RAB3IL1: variants seen among roughly 807,000 people sequenced by gnomAD.
RAB3IL1 encodes RAB3A interacting protein like 1.
A neutral mutation model predicts 49.2 loss-of-function variants in RAB3IL1; 37 were observed. The observed-to-expected ratio is 0.75, with a 90% CI of 0.58 to 0.99. The LOEUF is 0.99. Ranked by LOEUF, RAB3IL1 falls within the 50% of genes least tolerant of loss-of-function variation. The pLI is 0.00. For missense variants in RAB3IL1, 484 were observed against 513.0 expected, an observed-to-expected ratio of 0.94 and a Z score of 0.55; for synonymous variants, 193 against 213.9, an observed-to-expected ratio of 0.90 and a Z score of 0.85.
the RAB3IL1 span, among the ~76,000 whole-genome samples, chr11:61,926,385 A>G: frequency 6.6e-6 from 1 of 152,218 alleles, no homozygotes; most frequent in Non-Finnish European, 1.5e-5. Flanking sequence ...CGGGGGATTC[A>G]GACATCTAAT....
At chr11:61,928,805 A>G in the RAB3IL1 span, among the ~76,000 whole-genome samples, 1 of 152,222 alleles carries the variant, frequency 6.6e-6, no homozygotes, top group East Asian at 1.9e-4. Context: ...ATTGCTCAAT[A>G]TCAAGCAGTG....
At chr11:61,899,726 G>GTTTTTTTAA in intron 8 of RAB3IL1, 1 of 284,766 alleles carries the variant, frequency 3.5e-6, no homozygotes, top group South Asian at 4.1e-5. Context: ...CAGCAGAGCT[G>GTTTTTTTAA]TGAGATGAAC....
chr11:61,934,127 C>T, the RAB3IL1 span, among the ~76,000 whole-genome samples: 1 of 151,830 alleles, frequency 6.6e-6, no homozygotes, highest in African/African-American at 2.4e-5. Context: ...GAGTGATGCA[C>T]TTGAATATTT....
intron 4 of RAB3IL1, 83 bp downstream of exon 4, chr11:61,907,310 C>A: frequency 1.4e-6 from 2 of 1,444,194 alleles, no homozygotes; most frequent in Middle Eastern, 2.4e-4. Flanking sequence ...AGCGTCCACT[C>A]GGGCAGCAAA....
At chr11:61,917,295 C>A in intron 1 of RAB3IL1, 62 bp downstream of exon 1, 1 of 1,354,320 alleles carries the variant, frequency 7.4e-7, no homozygotes, top group Non-Finnish European at 9.5e-7. Context: ...CGAAATCCTC[C>A]CGTCCCGGGA....
In RAB3IL1 at chr11:61,917,175, A is replaced by G. The variant is rs934532550; in HGVS notation, c.11+182T>C. ...CCCTTCGCACCCTGCACCCCGAGAG[A>G]CACCCCCGACCCCTCCCCCGGAGTC... On this transcript the variant is annotated intron_variant, in intron 1 of 9. Transcript: ENST00000394836. 5.3e-5 allele frequency among the ~76,000 whole-genome samples: 8 copies of G among 151,696 alleles called. No homozygotes were observed. In the East Asian group the frequency reaches 1.2e-3, roughly 22 times the overall value.
rs1259871288 is a variant in RAB3IL1, at chr11:61,904,521, GAAGGAGCT to G, written c.899+17_899+24del. On this transcript the variant is annotated intron_variant, in intron 7 of 9. Transcript: ENST00000394836. ...TGGCGGGGCTTTCCCACATGGGCAG[GAAGGAGCT>G]AAGACCCTCAGCTTACTTGGTGCTG... 8 of 1,576,548 alleles carry G rather than the reference GAAGGAGCT, an allele frequency of 5.1e-6. No individual in the cohort carries two copies. Among genetic ancestry groups the G allele is most frequent in the Non-Finnish European group, 6.9e-6 (8 of 1,155,900 alleles).
the RAB3IL1 span, among the ~76,000 whole-genome samples, chr11:61,941,707 G>A: frequency 6.6e-6 from 1 of 151,886 alleles, no homozygotes; most frequent in African/African-American, 2.4e-5. Flanking sequence ...AGCCCAGATC[G>A]CACCACTGCA....
the RAB3IL1 span, among the ~76,000 whole-genome samples, chr11:61,942,286 C>T: frequency 1.3e-5 from 2 of 152,152 alleles, no homozygotes; most frequent in African/African-American, 4.8e-5. Flanking sequence ...CATCACCACT[C>T]CCTAATCTCA....
chr11:61,906,389 C>G lies in RAB3IL1; in HGVS notation c.657+77G>C. The G allele has an allele frequency of 7.5e-7, 1 of 1,327,280 alleles. No individual in the cohort carries two copies. Among genetic ancestry groups the G allele is most frequent in the Non-Finnish European group, 1.0e-6 (1 of 958,910 alleles). The allele number at this position is 1,327,280 out of a possible 1,614,324, so 82.2% of individuals were successfully genotyped here. ...GTCACACAGCATGGGGCAGGCTGGTCCTCACTGGGCTCGGACCCTGCCTAC... is the reference window on the plus strand; with the variant it reads ...GTCACACAGCATGGGGCAGGCTGGTGCTCACTGGGCTCGGACCCTGCCTAC... On this transcript the variant is annotated intron_variant, in intron 5 of 9. Transcript: ENST00000394836. The surrounding 1 kb of genome is among the most constrained non-coding windows in gnomAD (Gnocchi z 4.6).
At chr11:61,919,700 C>T (rs1939847384), upstream of RAB3IL1, among the ~76,000 whole-genome samples, 1 of 152,206 alleles carries the variant, frequency 6.6e-6, no homozygotes, top group Non-Finnish European at 1.5e-5. Flanking sequence ...CACTGCCCTC[C>T]TCAGCCTCCC....
intron 1 of RAB3IL1, 89 bp from the exon 2 acceptor site, chr11:61,908,395 C>T: frequency 7.8e-7 from 1 of 1,288,242 alleles, no homozygotes; most frequent in Non-Finnish European, 1.0e-6. Context: ...GGCAATGTGC[C>T]TGCCACTTGA....
intron 1 of RAB3IL1, among the ~76,000 whole-genome samples, chr11:61,915,966 A>G (rs1939664137): frequency 6.8e-6 from 1 of 147,800 alleles, no homozygotes; most frequent in African/African-American, 2.5e-5. Context: ...TGAACCTGGG[A>G]GGTGGAGCTT....
In RAB3IL1 at chr11:61,908,057, C is replaced by T; in HGVS notation, c.261G>A (p.Gln87=). 1 of 1,608,214 alleles carries T rather than the reference C, an allele frequency of 6.2e-7. No homozygotes were observed. The highest frequency in any genetic ancestry group is 8.5e-7 in the Non-Finnish European group (1 of 1,176,802). ...EFLKEELHRA[Q]KELKLKDEEC... is the part of the protein sequence containing the mutation. ...CCAGCCTACTGCAGGCACCCACCTT[C>T]TGCGCTCTGTGCAGCTCCTCCTTCA... Residue 87 remains glutamine, a synonymous_variant, in exon 2 of 10, where the codon CAG becomes CAA. Transcript: ENST00000394836.
At chr11:61,936,142 G>T in the RAB3IL1 span, among the ~76,000 whole-genome samples, 4 of 152,098 alleles carry the variant, frequency 2.6e-5, no homozygotes, top group African/African-American at 9.7e-5. Context: ...AAAGCAAATG[G>T]AGTTTAAGAG....
At chr11:61,921,312 G>T (rs1463800617), upstream of RAB3IL1, among the ~76,000 whole-genome samples, 1 of 152,114 alleles carries the variant, frequency 6.6e-6, no homozygotes, top group Non-Finnish European at 1.5e-5. Context: ...ACTTTCAGAC[G>T]GTGTGCCTTT....
chr11:61,902,635 G>T, intron 7 of RAB3IL1, 94 bp from the exon 8 acceptor site: 1 of 1,148,710 alleles, frequency 8.7e-7, no homozygotes. Flanking sequence ...CTGAGAGGAT[G>T]CATGGGGAGG....
At chr11:61,942,320 T>C in the RAB3IL1 span, among the ~76,000 whole-genome samples, 1 of 152,202 alleles carries the variant, frequency 6.6e-6, no homozygotes, top group East Asian at 1.9e-4. Context: ...ACAAACACTG[T>C]GGAAGGCCGC....
the RAB3IL1 span, among the ~76,000 whole-genome samples, chr11:61,941,808 C>T: frequency 1.1e-4 from 17 of 152,066 alleles, no homozygotes; most frequent in African/African-American, 3.6e-4. Flanking sequence ...TGCAAATATC[C>T]TCAACCAAAT....
Sources: allele counts gnomAD v4.1 joint callset (sites outside exome capture counted in the v4.1 genomes callset), GRCh38; gene constraint gnomAD v4.1.1; non-coding constraint Gnocchi (gnomAD v3.1); transcripts MANE v1.5; gene names NCBI Gene and HGNC (gene_info 2026-07-23, HGNC 2026-07-21).